NPRL3: variants seen among roughly 807,000 people sequenced by gnomAD.
NPRL3 encodes GATOR1 complex protein NPRL3.
Under a neutral mutation model 57.2 loss-of-function variants are expected in NPRL3, and 23 were observed. The ratio of observed to expected loss-of-function variants is 0.40; its 90% confidence interval spans 0.29 to 0.57. The LOEUF (loss-of-function observed/expected upper bound fraction) is 0.57. NPRL3 is among the 20% of genes least tolerant of loss of function. The pLI, the probability that NPRL3 is intolerant of heterozygous loss-of-function variation, is 0.42. For missense variants in NPRL3, 691 were observed against 767.1 expected, an observed-to-expected ratio of 0.90 and a Z score of 1.17; for synonymous variants, 333 against 321.1, an observed-to-expected ratio of 1.04 and a Z score of -0.39.
intron 2 of NPRL3, 113 bp downstream of exon 2, chr16:138,037 C>T (rs1229789683): frequency 5.6e-6 from 4 of 715,794 alleles, no homozygotes; most frequent in Non-Finnish European, 9.6e-6. Flanking sequence ...CTACAACGAG[C>T]AGATCTCGAA....
Position 138,206 on chromosome 16 carries a change from T to C in NPRL3, c.62A>G (p.Lys21Arg). The C allele has an allele frequency of 6.2e-7, 1 of 1,610,438 alleles. No individual in the cohort carries two copies. Among genetic ancestry groups the C allele is most frequent in the Non-Finnish European group, 8.5e-7 (1 of 1,178,720 alleles). ...CTGGAAGGGGTACCTGAACAGCAGC[T>C]TATTGCCCCTGCTCCCCGAGCTCAC... is the stretch of plus-strand genomic sequence containing the variant. ...ILVSSGSRGNKLLFRYPFQRS... is the reference protein window; with the variant it reads ...ILVSSGSRGNRLLFRYPFQRS... The change falls in exon 2 of 14, where the codon AAG (lysine) becomes AGG (arginine). Residue 21 changes from lysine to arginine, a missense_variant. Physicochemically the swap from Lys to Arg is conservative, Grantham distance 26 (BLOSUM62 2). Transcript: ENST00000611875.
intron 7 of NPRL3, among the ~76,000 whole-genome samples, chr16:105,236 T>C (rs1004330288): frequency 1.3e-5 from 2 of 152,246 alleles, no homozygotes; most frequent in South Asian, 4.1e-4. Flanking sequence ...TCGCCGTTCA[T>C]CTCCAAGACA....
chr16:138,128 C>T (rs1461809186), intron 2 of NPRL3, 22 bp downstream of exon 2: 1 of 1,559,852 alleles, frequency 6.4e-7, no homozygotes, highest in Admixed American at 1.9e-5. Context: ...GAGCGCCAGG[C>T]CCCCGCCCAG....
At chr16:106,825 C>CA (rs1197892846) in intron 7 of NPRL3, among the ~76,000 whole-genome samples, 1 of 152,088 alleles carries the variant, frequency 6.6e-6, no homozygotes, top group Non-Finnish European at 1.5e-5. Context: ...AATGGAAACT[C>CA]AGTCTCCTCC....
At chr16:111,759 A>G (rs1391677335) in intron 6 of NPRL3, among the ~76,000 whole-genome samples, 2 of 152,158 alleles carry the variant, frequency 1.3e-5, no homozygotes, top group African/African-American at 4.8e-5. Context: ...AGCCACAGGT[A>G]AATTTGTACT....
At chr16:116,631 G>A (rs1388603008) in intron 5 of NPRL3, among the ~76,000 whole-genome samples, 4 of 152,110 alleles carry the variant, frequency 2.6e-5, no homozygotes, top group Non-Finnish European at 4.4e-5. Flanking sequence ...AGATCAGCCA[G>A]GGCAATAAGG....
chr16:100,608 T>G, intron 7 of NPRL3, 99 bp from the exon 8 acceptor site: 1 of 1,201,726 alleles, frequency 8.3e-7, no homozygotes, highest in Non-Finnish European at 1.1e-6. Flanking sequence ...CCCCTGCTGC[T>G]TAGGGGAAAC....
At chr16:104,169 T>G (rs1899432763) in intron 7 of NPRL3, among the ~76,000 whole-genome samples, 1 of 149,440 alleles carries the variant, frequency 6.7e-6, no homozygotes, top group Non-Finnish European at 1.5e-5. Context: ...GGCAGGTGCC[T>G]GTAATCCCAG....
intron 9 of NPRL3, among the ~76,000 whole-genome samples, chr16:94,286 G>A (rs1296264214): frequency 2.0e-5 from 3 of 152,138 alleles, no homozygotes; most frequent in African/African-American, 7.2e-5. Flanking sequence ...CAGCACCCCA[G>A]CACTTCACGA....
chr16:128,520 G>A (rs991059052), intron 3 of NPRL3, among the ~76,000 whole-genome samples: 1 of 152,216 alleles, frequency 6.6e-6, no homozygotes, highest in Non-Finnish European at 1.5e-5. Flanking sequence ...TGTAATCCCA[G>A]CACTTTGGGA....
chr16:113,795 G>C (rs183374691), intron 5 of NPRL3, among the ~76,000 whole-genome samples: 1 of 152,208 alleles, frequency 6.6e-6, no homozygotes, highest in Non-Finnish European at 1.5e-5. Context: ...AGGCTTCAGG[G>C]GCAAAGCCTG....
At chr16:126,749 T>C (rs1900538829) in intron 3 of NPRL3, among the ~76,000 whole-genome samples, 1 of 152,212 alleles carries the variant, frequency 6.6e-6, no homozygotes, top group Admixed American at 6.5e-5. Flanking sequence ...ACACTACATC[T>C]TTTCTGACCT....
intron 3 of NPRL3, among the ~76,000 whole-genome samples, chr16:124,169 C>T (rs1203352517): frequency 2.6e-5 from 4 of 152,098 alleles, no homozygotes; most frequent in African/African-American, 7.2e-5. Flanking sequence ...ACGCTCCCCA[C>T]GCTCAACGCT....
At chr16:119,999 C>G (rs1031627135) in intron 3 of NPRL3, among the ~76,000 whole-genome samples, 4 of 152,172 alleles carry the variant, frequency 2.6e-5, no homozygotes, top group African/African-American at 7.2e-5. Flanking sequence ...CTGTGCCCTT[C>G]TGTCTCCTTA....
intron 11 of NPRL3, among the ~76,000 whole-genome samples, chr16:92,162 G>A (rs1898788372): frequency 6.6e-6 from 1 of 152,152 alleles, no homozygotes; most frequent in African/African-American, 2.4e-5. Flanking sequence ...ACCATGGCAG[G>A]GAGTGAAGAC....
chr16:92,278 C>A (rs1898792913), intron 11 of NPRL3, among the ~76,000 whole-genome samples: 1 of 152,152 alleles, frequency 6.6e-6, no homozygotes, highest in South Asian at 2.1e-4. Context: ...CAAGGCAGGT[C>A]TGTAGGCCCA....
chr16:127,871 A>G (rs1363143768), intron 3 of NPRL3, among the ~76,000 whole-genome samples: 6 of 143,708 alleles, frequency 4.2e-5, no homozygotes, highest in Non-Finnish European at 5.9e-5. Context: ...AGCCAGGATG[A>G]GTCTCGATCT....
At chr16:119,756 C>A (rs544634434) in intron 3 of NPRL3, among the ~76,000 whole-genome samples, 1 of 152,242 alleles carries the variant, frequency 6.6e-6, no homozygotes, top group Admixed American at 6.5e-5. Flanking sequence ...GCGTGCAGAG[C>A]GCTGACTTCC....
At position 85,917 on chromosome 16, in the gene NPRL3, G is replaced by C; in HGVS notation, c.*788C>G. 1 of 1,044,394 alleles carries C rather than the reference G, an allele frequency of 9.6e-7. No homozygotes were observed. Among genetic ancestry groups the C allele is most frequent in the Non-Finnish European group, 1.3e-6 (1 of 791,110 alleles). 64.7% of individuals were successfully genotyped at this position (1,044,394 alleles called of 1,614,324 possible). On this transcript the variant is annotated 3_prime_UTR_variant, in exon 14 of 14. Transcript: ENST00000611875. ...AGCTAGCTCTTCCTCCAGGACACGAGAGCTGGGGGCCTGAGTACGTAGCGC... is the reference window on the plus strand; with the variant it reads ...AGCTAGCTCTTCCTCCAGGACACGACAGCTGGGGGCCTGAGTACGTAGCGC...
Sources: allele counts gnomAD v4.1 joint callset (sites outside exome capture counted in the v4.1 genomes callset), GRCh38; gene constraint gnomAD v4.1.1; transcripts MANE v1.5; gene names NCBI Gene and HGNC (gene_info 2026-07-23, HGNC 2026-07-21).